NADK2: variants seen among roughly 807,000 people sequenced by gnomAD.
NADK2 encodes the protein NAD kinase 2, mitochondrial.
Under a neutral mutation model 62.1 loss-of-function variants are expected in NADK2, and 35 were observed. That is an observed-to-expected ratio of 0.56 (90% CI 0.43 to 0.75). The LOEUF (loss-of-function observed/expected upper bound fraction) is 0.75. NADK2 is among the 30% of genes least tolerant of loss of function. The pLI, the probability that NADK2 is intolerant of heterozygous loss-of-function variation, is 0.00. For missense variants in NADK2, 439 were observed against 561.3 expected (o/e 0.78, Z 2.20); for synonymous variants, 205 against 207.9 (o/e 0.99, Z 0.12).
chr5:36,235,907 A>ATATAT (rs559680458), intron 1 of NADK2, among the ~76,000 whole-genome samples: 25 of 2,112 alleles, frequency 0.012, no homozygotes, highest in East Asian at 0.03. Flanking sequence ...ATATATATAT[A>ATATAT]AAAAATAAAT....
Position 36,211,830 on chromosome 5 carries a change from A to C in NADK2, c.860+14T>G, listed in dbSNP as rs771079490. ...CATTAAATTCCATGCTCAAGATCAC[A>C]GGTTTAAAAGTACCTGGATGACAGA... On this transcript the variant is annotated intron_variant, in intron 7 of 11. Transcript: ENST00000381937. 1.2e-6 allele frequency: 2 copies of C among 1,600,756 alleles called. No homozygotes were observed. The highest frequency in any genetic ancestry group is 2.2e-5 in the South Asian group (2 of 89,426).
At chr5:36,204,412 G>T (rs151050508) in intron 8 of NADK2, among the ~76,000 whole-genome samples, 3 of 152,130 alleles carry the variant, frequency 2.0e-5, no homozygotes, top group East Asian at 3.9e-4. Flanking sequence ...ATTTTTTATG[G>T]TAAGAATACT....
intron 1 of NADK2, among the ~76,000 whole-genome samples, chr5:36,232,478 C>CT (rs891495160): frequency 2.0e-5 from 3 of 152,146 alleles, no homozygotes; most frequent in Non-Finnish European, 4.4e-5. Context: ...AAATGGTACT[C>CT]TAAGTGTTAC....
chr5:36,222,942 A>C lies in NADK2; in HGVS notation c.560+2600T>G, dbSNP rs181876581. On this transcript the variant is annotated intron_variant, in intron 4 of 11. Transcript: ENST00000381937. Reference sequence around the variant, plus strand: ...TATTGGTACATGTTACAATTTTAATACCACTGGATATATCCAAAGTAGAGG... The same window carrying C: ...TATTGGTACATGTTACAATTTTAATCCCACTGGATATATCCAAAGTAGAGG... Among the ~76,000 whole-genome samples the C allele has an allele frequency of 7.9e-5, 12 of 152,312 alleles. No individual in the cohort carries two copies. The East Asian group carries it at 2.1e-3, about 27-fold the overall frequency.
chr5:36,208,262 T>G (rs1434847207), intron 7 of NADK2, among the ~76,000 whole-genome samples: 1 of 152,112 alleles, frequency 6.6e-6, no homozygotes, highest in Non-Finnish European at 1.5e-5. Flanking sequence ...TCAGAATTTC[T>G]TATTAAAAAT....
In NADK2 at chr5:36,214,846, G is replaced by A. The variant is rs143370189; in HGVS notation, c.781+2902C>T. Among the ~76,000 whole-genome samples the A allele has an allele frequency of 2.6e-3, 394 of 152,308 alleles. 2 individuals are homozygous for A. Among genetic ancestry groups the A allele is most frequent in the African/African-American group, 9.2e-3 (381 of 41,572 alleles). On this transcript the variant is annotated intron_variant, in intron 6 of 11. Transcript: ENST00000381937. ...TGCCTGAAAACTCCTTGGACAGTGA[G>A]ATGAGTTAAAAATAAGCTTTTGCAT...
In NADK2 at chr5:36,219,633, G is replaced by A. The variant is rs555091787; in HGVS notation, c.607C>T (p.Pro203Ser). 3 of 1,614,002 alleles carry A rather than the reference G, an allele frequency of 1.9e-6. No homozygotes were observed. In the Admixed American group the frequency reaches 5.0e-5, roughly 27 times the overall value. ...CGATAGAACTTCTGTAAGGCTTCTG[G>A]AAAGGAATGTGTATATCGAACGGGC... ...CLPVRYTHSF[P>S]EALQKFYRGE... Residue 203 changes from proline to serine, a missense_variant, in exon 5 of 12, where the codon CCA (proline) becomes TCA (serine). Coordinates refer to ENST00000381937, the MANE Select transcript of NADK2 (RefSeq NM_001085411.3).
rs58371779 is a variant in NADK2 at position 36,213,618 on chromosome 5, C to CATAT, written c.782-1700_782-1697dup. Among the ~76,000 whole-genome samples, 33 of 107,546 alleles carry CATAT rather than the reference C, an allele frequency of 3.1e-4. 2 individuals are homozygous for CATAT. The highest frequency in any genetic ancestry group is 0.012 in the Middle Eastern group (2 of 162). 70.6% of individuals were successfully genotyped at this position (107,546 alleles called of 152,430 possible). The stretch of plus-strand genomic sequence containing the variant: ...TGATACAAAAAGCTATATATGCATG[C>CATAT]ATATATATATATATGGATTTGATAT... On this transcript the variant is annotated intron_variant, in intron 6 of 11. Coordinates refer to ENST00000381937, the MANE Select transcript of NADK2 (RefSeq NM_001085411.3).
At position 36,211,825 on chromosome 5, in the gene NADK2, A is replaced by G; in HGVS notation, c.860+19T>C. 2 of 1,594,112 alleles carry G rather than the reference A, an allele frequency of 1.3e-6. No homozygotes were observed. The highest frequency in any genetic ancestry group is 1.7e-6 in the Non-Finnish European group (2 of 1,164,794). Reference sequence around the variant, plus strand: ...TAAAACATTAAATTCCATGCTCAAGATCACAGGTTTAAAAGTACCTGGATG... The same window carrying G: ...TAAAACATTAAATTCCATGCTCAAGGTCACAGGTTTAAAAGTACCTGGATG... On this transcript the variant is annotated intron_variant, in intron 7 of 11. Coordinates refer to ENST00000381937, the MANE Select transcript of NADK2 (RefSeq NM_001085411.3).
chr5:36,239,149 C>A (rs1349829435), intron 1 of NADK2, among the ~76,000 whole-genome samples: 1 of 152,120 alleles, frequency 6.6e-6, no homozygotes, highest in Non-Finnish European at 1.5e-5. Context: ...AAGCACTTGG[C>A]CACTTTCTTT....
At chr5:36,204,106 G>C (rs1284170600) in intron 8 of NADK2, among the ~76,000 whole-genome samples, 1 of 152,014 alleles carries the variant, frequency 6.6e-6, no homozygotes. Context: ...TTATAAAATG[G>C]GAATGCTACT....
chr5:36,202,941 A>G (rs1410800825), intron 8 of NADK2, among the ~76,000 whole-genome samples: 2 of 152,126 alleles, frequency 1.3e-5, no homozygotes, highest in African/African-American at 4.8e-5. Flanking sequence ...ATAGCTTACC[A>G]TGAGTCATAC....
At chr5:36,236,183 T>A (rs1401679297) in intron 1 of NADK2, among the ~76,000 whole-genome samples, 1 of 152,182 alleles carries the variant, frequency 6.6e-6, no homozygotes, top group Non-Finnish European at 1.5e-5. Flanking sequence ...TCCCCCTAGA[T>A]AATGCTTATA....
chr5:36,195,848 A>G (rs752457805), intron 11 of NADK2, among the ~76,000 whole-genome samples: 3 of 152,228 alleles, frequency 2.0e-5, no homozygotes, highest in Admixed American at 2.0e-4. Context: ...CTATCACTGC[A>G]GTAGTAATAG....
At chr5:36,231,233 G>C (rs1177547207) in intron 1 of NADK2, among the ~76,000 whole-genome samples, 7 of 152,168 alleles carry the variant, frequency 4.6e-5, no homozygotes, top group African/African-American at 9.7e-5. Flanking sequence ...GAAAGGGTCT[G>C]AATTTGTGGG....
At chr5:36,228,639 G>A (rs936214701) in intron 1 of NADK2, among the ~76,000 whole-genome samples, 1 of 148,420 alleles carries the variant, frequency 6.7e-6, no homozygotes, top group African/African-American at 2.5e-5. Flanking sequence ...TTTTTTTTGA[G>A]ACGGGGTCTG....
chr5:36,236,595 C>G (rs2112203537), intron 1 of NADK2, among the ~76,000 whole-genome samples: 1 of 152,218 alleles, frequency 6.6e-6, no homozygotes, highest in South Asian at 2.1e-4. Flanking sequence ...AGCTGGTCCC[C>G]AGGCTCAAGG....
Position 36,241,859 on chromosome 5 carries a change from C to A in NADK2, c.-61G>T, listed in dbSNP as rs1260704204. 3.4e-6 allele frequency: 4 copies of A among 1,164,300 alleles called. No individual in the cohort carries two copies. The highest frequency in any genetic ancestry group is 3.2e-6 in the Non-Finnish European group (3 of 941,562). The allele number at this position is 1,164,300 out of a possible 1,614,324, so 72.1% of individuals were successfully genotyped here. A position where few individuals can be genotyped will look rare whatever the true frequency, so the allele number is the denominator to read the frequency against. On this transcript the variant is annotated 5_prime_UTR_variant, in exon 1 of 12. Transcript: ENST00000381937. The surrounding 1 kb of genome is among the most constrained non-coding windows in gnomAD (Gnocchi z 4.9). ...GCCCCTTGCCTCAGCTCCCTACCGC[C>A]GGGAGTGCGCGCCGTCCGCGCCGCC... is the stretch of plus-strand genomic sequence containing the variant.
chr5:36,208,510 CA>C lies in NADK2; in HGVS notation c.861-1246del, dbSNP rs1180626637. The C allele has an allele frequency of 1.2e-5, 9 of 741,514 alleles. No homozygotes were observed. The African/African-American group carries it at 1.6e-4, about 13-fold the overall frequency. 45.9% of individuals were successfully genotyped at this position (741,514 alleles called of 1,614,324 possible). ...ACAGTCAGGTGAGAGATGCTCAGCC[CA>C]AAATAATGAGCAAATTTAGTGTCAT... On this transcript the variant is annotated intron_variant, in intron 7 of 11. Coordinates refer to ENST00000381937, the MANE Select transcript of NADK2 (RefSeq NM_001085411.3).
Sources: allele counts gnomAD v4.1 joint callset (sites outside exome capture counted in the v4.1 genomes callset), GRCh38; gene constraint gnomAD v4.1.1; non-coding constraint Gnocchi (gnomAD v3.1); transcripts MANE v1.5; gene names NCBI Gene and HGNC (gene_info 2026-07-23, HGNC 2026-07-21).